Variants in TENM3 observed in about 807,000 individuals in gnomAD.
The protein encoded by TENM3 is teneurin-3.
TENM3 carries 63 observed loss-of-function variants against 255.1 expected under a neutral mutation model. That is an observed-to-expected ratio of 0.25 (90% CI 0.20 to 0.30). The LOEUF is 0.30. TENM3 is among the 10% of genes least tolerant of loss of function. TENM3 has a pLI of 1.00. For missense variants in TENM3, 2,929 were observed against 3,461.1 expected (o/e 0.85, Z 3.86); for synonymous variants, 1,306 against 1,322.3 (o/e 0.99, Z 0.27).
the TENM3 span, among the ~76,000 whole-genome samples, chr4:181,584,073 AC>A: frequency 6.6e-6 from 1 of 152,148 alleles, no homozygotes; most frequent in Admixed American, 6.5e-5. Context: ...TTTCTCCAGC[AC>A]CAAGCATATT....
chr4:181,792,278 C>T, the TENM3 span, among the ~76,000 whole-genome samples: 2 of 152,112 alleles, frequency 1.3e-5, no homozygotes, highest in African/African-American at 2.4e-5. Flanking sequence ...AATAGGAAAA[C>T]ATAAACATTC....
intron 3 of TENM3, among the ~76,000 whole-genome samples, chr4:182,435,230 T>C (rs976461008): frequency 3.3e-5 from 5 of 152,200 alleles, no homozygotes; most frequent in African/African-American, 1.2e-4. Flanking sequence ...CAATTCTCCC[T>C]GCCAGACCAC....
At chr4:181,500,160 C>A in the TENM3 span, among the ~76,000 whole-genome samples, 4 of 151,824 alleles carry the variant, frequency 2.6e-5, no homozygotes, top group Non-Finnish European at 5.9e-5. Flanking sequence ...TCCTGAGTAG[C>A]TGGGATTACA....
chr4:181,848,479 A>G, the TENM3 span, among the ~76,000 whole-genome samples: 1 of 152,158 alleles, frequency 6.6e-6, no homozygotes, highest in Admixed American at 6.5e-5. Flanking sequence ...ATGAAGGATG[A>G]TGGGTACTCA....
chr4:182,346,626 G>A, intron 2 of TENM3, 25 bp from the exon 3 acceptor site: 2 of 1,597,024 alleles, frequency 1.3e-6, no homozygotes, highest in Non-Finnish European at 1.7e-6. Flanking sequence ...CTCACTAGTT[G>A]TTATCTTTTT....
chr4:182,502,301 T>A (rs973724243), intron 3 of TENM3, among the ~76,000 whole-genome samples: 8 of 152,180 alleles, frequency 5.3e-5, no homozygotes, highest in African/African-American at 1.9e-4. Context: ...TGCTGTGTAC[T>A]TCATTCATTG....
chr4:182,382,398 T>G (rs1456681347), intron 3 of TENM3, among the ~76,000 whole-genome samples: 1 of 152,072 alleles, frequency 6.6e-6, no homozygotes, highest in Non-Finnish European at 1.5e-5. Flanking sequence ...ACCCAGGCAT[T>G]TTGTTGCATA....
the TENM3 span, among the ~76,000 whole-genome samples, chr4:181,836,761 G>C: frequency 6.6e-6 from 1 of 152,276 alleles, no homozygotes; most frequent in African/African-American, 2.4e-5. Flanking sequence ...ACTTCCGTAT[G>C]TATTTCAGAA....
the TENM3 span, among the ~76,000 whole-genome samples, chr4:181,767,805 A>G: frequency 6.6e-6 from 1 of 152,214 alleles, no homozygotes; most frequent in East Asian, 1.9e-4. Context: ...TCTTCAAGGC[A>G]TATTTTAATA....
chr4:182,404,570 G>A (rs1181908850), intron 3 of TENM3, among the ~76,000 whole-genome samples: 4 of 152,168 alleles, frequency 2.6e-5, no homozygotes, highest in Non-Finnish European at 4.4e-5. Flanking sequence ...CAGTATTTCC[G>A]CTTTCTCATG....
chr4:182,335,513 A>AG (rs1194814597), intron 2 of TENM3, among the ~76,000 whole-genome samples: 4 of 149,174 alleles, frequency 2.7e-5, no homozygotes, highest in African/African-American at 9.8e-5. Context: ...AAAAAAAAAA[A>AG]AAAAAAGACG....
At chr4:181,957,690 C>T in the TENM3 span, among the ~76,000 whole-genome samples, 1 of 152,110 alleles carries the variant, frequency 6.6e-6, no homozygotes, top group Non-Finnish European at 1.5e-5. Flanking sequence ...CTAGATCATC[C>T]AACTAGGCAG....
rs369585956 is a variant in TENM3 at position 182,743,190 on chromosome 4, G to A, written c.3400G>A (p.Gly1134Arg). 28 of 1,612,828 alleles carry A rather than the reference G, an allele frequency of 1.7e-5. No individual in the cohort carries two copies. Among genetic ancestry groups the A allele is most frequent in the Admixed American group, 1.0e-4 (6 of 59,990 alleles). Residue 1134 changes from glycine (G) to arginine (R), a missense_variant, in exon 19 of 28, where the codon GGG (glycine) becomes AGG (arginine). By Grantham distance (125) the Gly-to-Arg change is moderately radical (BLOSUM62 -2). Transcript: ENST00000511685. ...VQNGILYKGNGENQFISQQPP... is the reference protein window; with the variant it reads ...VQNGILYKGNRENQFISQQPP... ...TCTAGGTATACTGTACAAGGGAAAC[G>A]GGGAAAACCAGTTCATCTCCCAGCA...
chr4:181,820,205 C>T, the TENM3 span: 1 of 152,120 alleles, frequency 6.6e-6, no homozygotes, highest in African/African-American at 2.4e-5. Flanking sequence ...GATATCCATA[C>T]CCATGGCTGT....
intron 5 of TENM3, among the ~76,000 whole-genome samples, chr4:182,638,483 C>G (rs1367820109): frequency 6.6e-6 from 1 of 151,290 alleles, no homozygotes; most frequent in Non-Finnish European, 1.5e-5. Flanking sequence ...GAATCTTACT[C>G]TGAGGCCCCC....
At chr4:181,890,560 C>A in the TENM3 span, among the ~76,000 whole-genome samples, 1 of 152,046 alleles carries the variant, frequency 6.6e-6, no homozygotes, top group Admixed American at 6.6e-5. Context: ...TCATTGTGGG[C>A]TTTTAAAAAA....
At chr4:181,987,329 A>T in the TENM3 span, among the ~76,000 whole-genome samples, 1 of 152,122 alleles carries the variant, frequency 6.6e-6, no homozygotes, top group South Asian at 2.1e-4. Flanking sequence ...AGGGAATCCG[A>T]TAAGAAGAAA....
intron 3 of TENM3, among the ~76,000 whole-genome samples, chr4:182,493,421 C>A (rs1006196623): frequency 6.6e-6 from 1 of 152,266 alleles, no homozygotes; most frequent in East Asian, 1.9e-4. Flanking sequence ...TGACCCAGTA[C>A]GTGTGCCAAT....
chr4:181,829,274 T>G, the TENM3 span, among the ~76,000 whole-genome samples: 1 of 152,224 alleles, frequency 6.6e-6, no homozygotes, highest in Non-Finnish European at 1.5e-5. Flanking sequence ...AATGTTCCTG[T>G]TTTCTAGATT....
Sources: allele counts gnomAD v4.1 joint callset (sites outside exome capture counted in the v4.1 genomes callset), GRCh38; gene constraint gnomAD v4.1.1; transcripts MANE v1.5; gene names NCBI Gene and HGNC (gene_info 2026-07-23, HGNC 2026-07-21).